The following PARD3B variants were observed in gnomAD, a reference collection of about 807,000 sequenced individuals.
PARD3B encodes the protein partitioning defective 3 homolog B.
In PARD3B, 103 loss-of-function variants were observed where a neutral mutation model predicts 130.2. That is an observed-to-expected ratio of 0.79 (90% confidence interval 0.67 to 0.93). The LOEUF (loss-of-function observed/expected upper bound fraction) is 0.93. Ranked by LOEUF, PARD3B falls within the 40% of genes least tolerant of loss-of-function variation. The probability of loss-of-function intolerance (pLI) is 0.00; values close to 1 mark genes in which losing one functional copy is unlikely to be tolerated. For synonymous variants in PARD3B, 583 were observed against 553.2 expected (o/e 1.05, Z -0.76); for missense variants, 1,609 against 1,499.2 (o/e 1.07, Z -1.21).
At chr2:205,348,280 A>G (rs770115974) in intron 18 of PARD3B, 3 of 152,266 alleles carry the variant, frequency 2.0e-5, no homozygotes, top group Non-Finnish European at 2.9e-5. Flanking sequence ...ACTTGTGCTT[A>G]GAACATTTTC....
At chr2:205,057,427 GTATATGTGTTATATACATATA>G (rs1559396795) in intron 4 of PARD3B, among the ~76,000 whole-genome samples, 2 of 132,698 alleles carry the variant, frequency 1.5e-5, no homozygotes, top group Middle Eastern at 5.4e-3. Flanking sequence ...ATATATACAT[GTATATGTGTTATATACATATA>G]CATATATACA....
At chr2:205,066,777 A>G (rs1036534719) in intron 4 of PARD3B, among the ~76,000 whole-genome samples, 3 of 152,120 alleles carry the variant, frequency 2.0e-5, no homozygotes, top group African/African-American at 7.2e-5. Context: ...TCTAATTCTA[A>G]ATCATCTAAA....
Position 204,606,437 on chromosome 2 carries a change from C to G in PARD3B, c.120+60318C>G, listed in dbSNP as rs1331537931. The stretch of plus-strand genomic sequence containing the variant: ...TCAGGGTCCCTGGCTGATGAAGGCT[C>G]CATCTTAAACATTTTTCCATGATCC... On this transcript the variant is annotated intron_variant, in intron 1 of 22. Transcript: ENST00000406610. This position sits in a 1 kb window ranked among gnomAD's most constrained non-coding sequence, Gnocchi z 4.0. 6.6e-6 allele frequency among the ~76,000 whole-genome samples: 1 copy of G among 152,074 alleles called. No individual in the cohort carries two copies. The highest frequency in any genetic ancestry group is 1.5e-5 in the Non-Finnish European group (1 of 68,004).
chr2:205,445,928 T>C (rs532551488), intron 20 of PARD3B, among the ~76,000 whole-genome samples: 1 of 152,286 alleles, frequency 6.6e-6, no homozygotes, highest in African/African-American at 2.4e-5. Flanking sequence ...AGTTCAGTAC[T>C]GGACTCACCA....
chr2:204,570,139 T>C (rs1156821693), intron 1 of PARD3B, among the ~76,000 whole-genome samples: 1 of 152,146 alleles, frequency 6.6e-6, no homozygotes, highest in Non-Finnish European at 1.5e-5. Context: ...TGAAATTTCA[T>C]AGATGAAGGC....
At chr2:204,775,697 A>G (rs1288623642) in intron 2 of PARD3B, among the ~76,000 whole-genome samples, 1 of 152,218 alleles carries the variant, frequency 6.6e-6, no homozygotes, top group East Asian at 1.9e-4. Context: ...TCCCCATTTT[A>G]AAGTCCCAGA....
chr2:205,423,730 C>G lies in PARD3B; in HGVS notation c.2742-16640C>G, dbSNP rs578005286. 4.6e-5 allele frequency among the ~76,000 whole-genome samples: 7 copies of G among 152,192 alleles called. No individual in the cohort carries two copies. The South Asian group carries it at 1.2e-3, about 27-fold the overall frequency. ...TAGACTGGATAAAGAAAATGTGATA[C>G]CTATACACCGTGGAATACTCTGCAG... On this transcript the variant is annotated intron_variant, in intron 19 of 22. Coordinates refer to ENST00000406610, the MANE Select transcript of PARD3B (RefSeq NM_001302769.2).
intron 20 of PARD3B, among the ~76,000 whole-genome samples, chr2:205,450,539 T>C (rs2048064002): frequency 6.9e-6 from 1 of 144,610 alleles, no homozygotes. Flanking sequence ...AATGGCATGA[T>C]CTCGGCTCAC....
Position 205,461,104 on chromosome 2 carries a change from CAAATATT to C in PARD3B, c.3044+20437_3044+20443del, listed in dbSNP as rs1023814654. Among the ~76,000 whole-genome samples the C allele has an allele frequency of 2.0e-5, 3 of 152,096 alleles. No homozygotes were observed. The highest frequency in any genetic ancestry group is 4.8e-5 in the African/African-American group (2 of 41,414). On this transcript the variant is annotated intron_variant, in intron 20 of 22. Coordinates refer to ENST00000406610, the MANE Select transcript of PARD3B (RefSeq NM_001302769.2). This position sits in a 1 kb window ranked among gnomAD's most constrained non-coding sequence, Gnocchi z 4.3. Reference sequence around the variant, plus strand: ...GGAACTTAAGACCTACAGGAGGAGACAAATATTAAATGTGTAGTTATAAGTAGAGTGT... The same window carrying C: ...GGAACTTAAGACCTACAGGAGGAGACAAATGTGTAGTTATAAGTAGAGTGT...
chr2:205,088,488 AG>A (rs1701879621), intron 4 of PARD3B, among the ~76,000 whole-genome samples: 2 of 152,276 alleles, frequency 1.3e-5, no homozygotes, highest in East Asian at 3.9e-4. Context: ...ATAATGGGAA[AG>A]AAAACCAAGC....
At chr2:204,904,939 G>A (rs2046994273) in intron 2 of PARD3B, among the ~76,000 whole-genome samples, 1 of 152,166 alleles carries the variant, frequency 6.6e-6, no homozygotes, top group Non-Finnish European at 1.5e-5. Context: ...CTGAATCACT[G>A]TTGTACTGCA....
intron 3 of PARD3B, among the ~76,000 whole-genome samples, chr2:205,029,051 A>C (rs1367231734): frequency 1.3e-5 from 2 of 152,130 alleles, no homozygotes; most frequent in Admixed American, 1.3e-4. Context: ...AAGTGCTAAA[A>C]TCTGATTTAT....
rs1220147246 is a variant in PARD3B, at chr2:205,197,032, G to GGTGTGT, written c.2140+3750_2140+3755dup. ...AGGAATGCTTCCACTGTGGGGGGGG[G>GGTGTGT]GTGTGTGTGTGTGTGTGTGTGTGTG... On this transcript the variant is annotated intron_variant, in intron 15 of 22. Transcript: ENST00000406610. Among the ~76,000 whole-genome samples, 507 of 54,980 alleles carry GGTGTGT rather than the reference G, an allele frequency of 9.2e-3. 4 individuals are homozygous for GGTGTGT. The highest frequency in any genetic ancestry group is 0.015 in the South Asian group (27 of 1,800). The allele number at this position is 54,980 out of a possible 152,430, so 36.1% of individuals were successfully genotyped here.
In PARD3B at chr2:204,838,407, G is replaced by A. The variant is rs868512825; in HGVS notation, c.223-126745G>A. Among the ~76,000 whole-genome samples, 16 of 150,850 alleles carry A rather than the reference G, an allele frequency of 1.1e-4. No homozygotes were observed. The Middle Eastern group carries it at 0.014, about 128-fold the overall frequency. On this transcript the variant is annotated intron_variant, in intron 2 of 22. Transcript: ENST00000406610. ...TGTGTGTGTCTTTAGTAGAGACGGGGTTTTGCCATGTTGGCCAGGCTGGTC... is the reference window on the plus strand; with the variant it reads ...TGTGTGTGTCTTTAGTAGAGACGGGATTTTGCCATGTTGGCCAGGCTGGTC...
At chr2:205,308,601 T>G (rs2042266494) in intron 18 of PARD3B, among the ~76,000 whole-genome samples, 1 of 15,594 alleles carries the variant, frequency 6.4e-5, no homozygotes, top group South Asian at 5.4e-3. Flanking sequence ...CGAGACTCCG[T>G]CTCAAAAAAA....
chr2:204,679,528 A>T (rs570004136), intron 1 of PARD3B, among the ~76,000 whole-genome samples: 1 of 152,220 alleles, frequency 6.6e-6, no homozygotes, highest in Non-Finnish European at 1.5e-5. Context: ...TATCTTCACA[A>T]TAGTGAGCTT....
At chr2:204,707,808 A>C (rs2038244283) in intron 2 of PARD3B, among the ~76,000 whole-genome samples, 1 of 152,202 alleles carries the variant, frequency 6.6e-6, no homozygotes, top group African/African-American at 2.4e-5. Flanking sequence ...TAAAATTTTA[A>C]AAAATAGTAA....
At chr2:205,329,979 G>A (rs560362012) in intron 18 of PARD3B, among the ~76,000 whole-genome samples, 1 of 145,450 alleles carries the variant, frequency 6.9e-6, no homozygotes, top group African/African-American at 2.5e-5. Context: ...GGACAACAGA[G>A]CAAAACGCCG....
intron 15 of PARD3B, among the ~76,000 whole-genome samples, chr2:205,226,030 T>C (rs1275833361): frequency 6.6e-6 from 1 of 152,230 alleles, no homozygotes; most frequent in Non-Finnish European, 1.5e-5. Context: ...ATTCTCATTC[T>C]GTCACCCAGG....
Sources: gnomAD v4.1 joint callset for allele counts (sites outside exome capture counted in the v4.1 genomes callset) on GRCh38, gnomAD v4.1.1 for gene constraint, Gnocchi (gnomAD v3.1) non-coding constraint, MANE v1.5 for transcripts, NCBI Gene and HGNC (gene_info 2026-07-23, HGNC 2026-07-21) for gene names.